AGBL1: variants seen among roughly 807,000 people sequenced by gnomAD.
AGBL1 encodes AGBL carboxypeptidase 1, also known as cytosolic carboxypeptidase 4.
Under a neutral mutation model 118.9 loss-of-function variants are expected in AGBL1, and 130 were observed. The ratio of observed to expected loss-of-function variants is 1.09; its 90% CI spans 0.95 to 1.26. AGBL1 has a LOEUF of 1.26. AGBL1 is among the 50% of genes most tolerant of loss of function. The pLI, the probability that AGBL1 is intolerant of heterozygous loss-of-function variation, is 0.00. For synonymous variants in AGBL1, 555 were observed against 478.9 expected, an observed-to-expected ratio of 1.16 and a Z score of -2.08; for missense variants, 1,584 against 1,298.1, an observed-to-expected ratio of 1.22 and a Z score of -3.38.
chr15:86,813,241 G>C (rs972596206), intron 22 of AGBL1, among the ~76,000 whole-genome samples: 38 of 152,026 alleles, frequency 2.5e-4, no homozygotes, highest in African/African-American at 8.9e-4. Context: ...GAGGTTAGTA[G>C]GGGTCAGTCC....
At chr15:86,796,467 G>A (rs1482554804) in intron 22 of AGBL1, among the ~76,000 whole-genome samples, 1 of 152,196 alleles carries the variant, frequency 6.6e-6, no homozygotes, top group Non-Finnish European at 1.5e-5. Flanking sequence ...CTTCTTGGAT[G>A]CCACAGTCCG....
At chr15:86,671,715 C>T (rs573322157) in intron 21 of AGBL1, among the ~76,000 whole-genome samples, 1 of 152,114 alleles carries the variant, frequency 6.6e-6, no homozygotes, top group Non-Finnish European at 1.5e-5. Flanking sequence ...GATTTAAAGG[C>T]ACTCACATAC....
chr15:86,999,736 A>T (rs1391023215), intron 24 of AGBL1, among the ~76,000 whole-genome samples: 3 of 150,342 alleles, frequency 2.0e-5, no homozygotes, highest in Non-Finnish European at 1.5e-5. Flanking sequence ...ATTTGGGTAT[A>T]TACCCAGTAA....
chr15:86,729,990 A>T (rs1337855283), intron 22 of AGBL1, among the ~76,000 whole-genome samples: 1 of 152,072 alleles, frequency 6.6e-6, no homozygotes, highest in Non-Finnish European at 1.5e-5. Flanking sequence ...ATGGTACCTC[A>T]TTGTGGTTTT....
chr15:86,709,634 T>A (rs1004606021), intron 22 of AGBL1, among the ~76,000 whole-genome samples: 1 of 152,138 alleles, frequency 6.6e-6, no homozygotes, highest in African/African-American at 2.4e-5. Context: ...GCCAACACAA[T>A]CTTGTCTTTG....
rs553034493 is a variant in AGBL1 at position 86,477,209 on chromosome 15, G to A, written c.2556-45601G>A. 5.6e-3 allele frequency among the ~76,000 whole-genome samples: 853 copies of A among 152,160 alleles called. 2 individuals carry two copies. Among genetic ancestry groups the A allele is most frequent in the Middle Eastern group, 0.037 (11 of 294 alleles). ...GAGCAAACACATTCAAAAGCTAGCA[G>A]AAGGCAAGAAATAACTAAGATCAGA... On this transcript the variant is annotated intron_variant, in intron 18 of 22. Transcript: ENST00000614907.
intron 21 of AGBL1, among the ~76,000 whole-genome samples, chr15:86,595,202 C>G (rs150267073): frequency 6.6e-6 from 1 of 152,282 alleles, no homozygotes; most frequent in East Asian, 1.9e-4. Context: ...CAACCAGTCT[C>G]ATAACTTAAA....
At chr15:86,191,918 CAAAA>C (rs139184059) in intron 5 of AGBL1, among the ~76,000 whole-genome samples, 1 of 144,546 alleles carries the variant, frequency 6.9e-6, no homozygotes, top group South Asian at 2.2e-4. Flanking sequence ...AAAAAAAAAA[CAAAA>C]AAAACCAAAA....
chr15:86,988,220 A>C, intron 24 of AGBL1: 1 of 1,113,828 alleles, frequency 9.0e-7, no homozygotes, highest in Non-Finnish European at 1.3e-6. Flanking sequence ...AAAACAACAT[A>C]CCCTTCAGCT....
At chr15:86,395,174 A>G (rs542155596) in intron 17 of AGBL1, among the ~76,000 whole-genome samples, 4 of 152,254 alleles carry the variant, frequency 2.6e-5, no homozygotes, top group South Asian at 2.1e-4. Flanking sequence ...AACAAAATAT[A>G]TAAGAAAGGA....
chr15:86,391,363 T>G (rs540130747), intron 17 of AGBL1, among the ~76,000 whole-genome samples: 123 of 152,298 alleles, frequency 8.1e-4, no homozygotes, highest in African/African-American at 2.8e-3. Context: ...AGCATGTGTC[T>G]TATATACAAA....
intron 22 of AGBL1, among the ~76,000 whole-genome samples, chr15:86,699,519 A>C (rs918539248): frequency 6.6e-6 from 1 of 152,110 alleles, no homozygotes; most frequent in African/African-American, 2.4e-5. Context: ...TCTTTAATCT[A>C]GAACAGTTCC....
chr15:87,020,212 A>T (rs183599618), intron 24 of AGBL1, among the ~76,000 whole-genome samples: 4 of 152,276 alleles, frequency 2.6e-5, no homozygotes, highest in Non-Finnish European at 5.9e-5. Context: ...ATTTACACTG[A>T]ATGTCATTGA....
At chr15:87,001,390 A>T (rs1002981048) in intron 24 of AGBL1, among the ~76,000 whole-genome samples, 3 of 152,012 alleles carry the variant, frequency 2.0e-5, no homozygotes, top group Non-Finnish European at 4.4e-5. Flanking sequence ...ATTGTTGGAC[A>T]TTTGGCTTGG....
intron 22 of AGBL1, among the ~76,000 whole-genome samples, chr15:86,719,144 G>A (rs1203699864): frequency 6.6e-6 from 1 of 152,230 alleles, no homozygotes; most frequent in South Asian, 2.1e-4. Flanking sequence ...AAATATGTAA[G>A]CATTTGAGAA....
chr15:86,592,171 C>T (rs139690268), intron 21 of AGBL1, among the ~76,000 whole-genome samples: 6 of 152,260 alleles, frequency 3.9e-5, no homozygotes, highest in South Asian at 2.1e-4. Context: ...ACTGTTTTCT[C>T]CCATTGTAAT....
chr15:86,581,646 C>T (rs1211166800), intron 21 of AGBL1, among the ~76,000 whole-genome samples: 2 of 152,160 alleles, frequency 1.3e-5, no homozygotes, highest in African/African-American at 4.8e-5. Flanking sequence ...ACTCTTCAGT[C>T]ACCCATGAAT....
chr15:86,832,453 T>G (rs1202724822), intron 22 of AGBL1, among the ~76,000 whole-genome samples: 1 of 152,182 alleles, frequency 6.6e-6, no homozygotes, highest in Non-Finnish European at 1.5e-5. Flanking sequence ...AACAGTACCC[T>G]AGTCACCTCT....
intron 21 of AGBL1, among the ~76,000 whole-genome samples, chr15:86,562,606 T>G (rs1431545844): frequency 6.6e-6 from 1 of 152,198 alleles, no homozygotes. Context: ...AAAATTCTCT[T>G]TTTTTGTTGT....
Sources: gnomAD v4.1 joint callset for allele counts (sites outside exome capture counted in the v4.1 genomes callset) on GRCh38, gnomAD v4.1.1 for gene constraint, MANE v1.5 for transcripts, NCBI Gene and HGNC (gene_info 2026-07-23, HGNC 2026-07-21) for gene names.